Variants in SLC6A18 observed in about 807,000 individuals in gnomAD.
The protein encoded by SLC6A18 is solute carrier family 6 member 18.
In SLC6A18, 58 loss-of-function variants were observed where a neutral mutation model predicts 62.9. The observed-to-expected ratio is 0.92, with a 90% CI of 0.75 to 1.15. The LOEUF (loss-of-function observed/expected upper bound fraction) is 1.15, where lower values mean the gene tolerates loss of function less well. SLC6A18 is among the 50% of genes most tolerant of loss of function. The probability of loss-of-function intolerance (pLI) is 0.00; values close to 1 mark genes in which losing one functional copy is unlikely to be tolerated. For synonymous variants in SLC6A18, 382 were observed against 365.8 expected (o/e 1.04, Z -0.51); for missense variants, 793 against 836.6 (o/e 0.95, Z 0.64).
intron 1 of SLC6A18, 51 bp from the exon 2 acceptor site, chr5:1,232,168 T>TC (rs753176151): frequency 1.1e-5 from 17 of 1,557,386 alleles, no homozygotes; most frequent in East Asian, 4.6e-5. Context: ...CACGCCACAG[T>TC]CCCCCCCAGC....
Position 1,238,168 on chromosome 5 carries a change from C to T in SLC6A18, c.732+108C>T, listed in dbSNP as rs2126536115. 3.4e-6 allele frequency: 3 copies of T among 883,666 alleles called. No homozygotes were observed. In the South Asian group the frequency reaches 4.5e-5, roughly 13 times the overall value. 54.7% of individuals were successfully genotyped at this position (883,666 alleles called of 1,614,324 possible). A position where few individuals can be genotyped will look rare whatever the true frequency, so the allele number is the denominator to read the frequency against. ...GAGCGTGAGAGGCCAGGAGCCACTC[C>T]AGCAGCTGGGCTGCCTGGTGGTCAG... On this transcript the variant is annotated intron_variant, in intron 5 of 11. Transcript: ENST00000324642.
In SLC6A18 at chr5:1,232,246, C is replaced by T. The variant is rs374490780; in HGVS notation, c.188C>T (p.Ala63Val). The T allele has an allele frequency of 6.8e-5, 109 of 1,612,780 alleles. No individual in the cohort carries two copies. The highest frequency in any genetic ancestry group is 7.8e-5 in the Non-Finnish European group (92 of 1,179,830). The change falls in exon 2 of 12, where the codon GCG becomes GTG. Residue 63 changes from alanine to valine, a missense_variant. By Grantham distance (64) the Ala-to-Val change is moderately conservative. Coordinates refer to ENST00000324642, the MANE Select transcript of SLC6A18 (RefSeq NM_182632.3). ...GGAFLIPYVI[A>V]LVFEGIPIFH... ...GCCTTCCTCATCCCCTACGTCATCGCGCTGGTCTTCGAGGGGATCCCCATT... is the reference window on the plus strand; with the variant it reads ...GCCTTCCTCATCCCCTACGTCATCGTGCTGGTCTTCGAGGGGATCCCCATT...
At position 1,243,180 on chromosome 5, in the gene SLC6A18, C is replaced by T. The variant is rs899959385; in HGVS notation, c.1131+317C>T. On this transcript the variant is annotated intron_variant, in intron 8 of 11. Coordinates refer to ENST00000324642, the MANE Select transcript of SLC6A18 (RefSeq NM_182632.3). This position sits in a 1 kb window ranked among gnomAD's most constrained non-coding sequence, Gnocchi z 6.5. Reference sequence around the variant, plus strand: ...CAGCATGAGGGTCACAGTGCCAGGGCATGGCTGGGGTCAAGCCACACTCAG... The same window carrying T: ...CAGCATGAGGGTCACAGTGCCAGGGTATGGCTGGGGTCAAGCCACACTCAG... 5.3e-5 allele frequency among the ~76,000 whole-genome samples: 8 copies of T among 152,172 alleles called. No homozygotes were observed. Among genetic ancestry groups the T allele is most frequent in the Admixed American group, 1.3e-4 (2 of 15,284 alleles).
intron 1 of SLC6A18, among the ~76,000 whole-genome samples, chr5:1,228,583 A>G (rs780992003): frequency 4.9e-4 from 75 of 152,232 alleles, no homozygotes; most frequent in Non-Finnish European, 8.7e-4. Context: ...AGCCGTTCAC[A>G]GCCACCTTTC....
At chr5:1,237,293 G>T (rs1746908777) in intron 4 of SLC6A18, among the ~76,000 whole-genome samples, 1 of 150,664 alleles carries the variant, frequency 6.6e-6, no homozygotes, top group Non-Finnish European at 1.5e-5. Context: ...CAGTCAGTCT[G>T]TATTGGGGGA....
At position 1,225,543 on chromosome 5, in the gene SLC6A18, C is replaced by G; in HGVS notation, c.66C>G (p.Asp22Glu). ...CDLGDERPKW[D>E]NKAQYLLSCT... Reference sequence around the variant, plus strand: ...TCGGGGATGAGAGGCCCAAGTGGGACAACAAGGCCCAGTACCTCCTGAGCT... The same window carrying G: ...TCGGGGATGAGAGGCCCAAGTGGGAGAACAAGGCCCAGTACCTCCTGAGCT... The change falls in exon 1 of 12, where the codon GAC becomes GAG. Residue 22 changes from aspartate to glutamate, a missense_variant. Coordinates refer to ENST00000324642, the MANE Select transcript of SLC6A18 (RefSeq NM_182632.3). The G allele has an allele frequency of 6.2e-7, 1 of 1,613,404 alleles. No homozygotes were observed. The highest frequency in any genetic ancestry group is 8.5e-7 in the Non-Finnish European group (1 of 1,179,452).
chr5:1,244,175 C>CCCCCCCCCA, intron 9 of SLC6A18, 39 bp from the exon 10 acceptor site: 5 of 893,902 alleles, frequency 5.6e-6, no homozygotes, highest in African/African-American at 1.7e-5. Context: ...CTCCACTCCC[C>CCCCCCCCCA]ATCCCCTTAC....
chr5:1,240,670 G>T lies in SLC6A18; in HGVS notation c.974+11G>T. The T allele has an allele frequency of 6.2e-7, 1 of 1,613,208 alleles. No individual in the cohort carries two copies. Among genetic ancestry groups the T allele is most frequent in the Non-Finnish European group, 8.5e-7 (1 of 1,179,772 alleles). ...GCACTGCCTGGACAGGTGAGCACAG[G>T]TGCCGCGCCTGGCTCTGTGGGGCAC... On this transcript the variant is annotated intron_variant, in intron 7 of 11. Transcript: ENST00000324642.
rs1746855761 is a variant in SLC6A18, at chr5:1,235,384, C to G, written c.440-97C>G. The G allele has an allele frequency of 3.3e-6, 4 of 1,229,826 alleles. No individual in the cohort carries two copies. In the African/African-American group the frequency reaches 6.1e-5, roughly 19 times the overall value. 76.2% of individuals were successfully genotyped at this position (1,229,826 alleles called of 1,614,324 possible). Reference sequence around the variant, plus strand: ...GAAAGGGCACCTCAGCCCAAAAGGGCAGTGTTGTGAGCAGCCCAGGGAAAT... The same window carrying G: ...GAAAGGGCACCTCAGCCCAAAAGGGGAGTGTTGTGAGCAGCCCAGGGAAAT... On this transcript the variant is annotated intron_variant, in intron 3 of 11. Coordinates refer to ENST00000324642, the MANE Select transcript of SLC6A18 (RefSeq NM_182632.3).
At chr5:1,230,482 C>T (rs1420413694) in intron 1 of SLC6A18, among the ~76,000 whole-genome samples, 6 of 152,136 alleles carry the variant, frequency 3.9e-5, no homozygotes, top group Admixed American at 6.5e-5. Flanking sequence ...GTCTTTCTGC[C>T]GCTGTGTAAA....
Position 1,243,767 on chromosome 5 carries a change from C to T in SLC6A18, c.1336+8C>T. The T allele has an allele frequency of 6.3e-7, 1 of 1,589,810 alleles. No individual in the cohort carries two copies. Among genetic ancestry groups the T allele is most frequent in the South Asian group, 1.1e-5 (1 of 88,376 alleles). Reference sequence around the variant, plus strand: ...CCAAGGAGGCCCTGACTGGTGAGCGCACAGCTCCGCCGCCCTGGAGGACCC... The same window carrying T: ...CCAAGGAGGCCCTGACTGGTGAGCGTACAGCTCCGCCGCCCTGGAGGACCC... On this transcript the variant is annotated splice_region_variant and intron_variant, in intron 9 of 11. Transcript: ENST00000324642. This position sits in a 1 kb window ranked among gnomAD's most constrained non-coding sequence, Gnocchi z 6.5.
chr5:1,235,616 C>T lies in SLC6A18; in HGVS notation c.575C>T (p.Ala192Val), dbSNP rs1561177501. The part of the protein sequence containing the change: ...WLLICLAASW[A>V]VVYMCVIRGI... Reference sequence around the variant, plus strand: ...CTCATCTGCTTGGCAGCCTCCTGGGCAGTCGTGTACATGTGTGTCATCAGG... The same window carrying T: ...CTCATCTGCTTGGCAGCCTCCTGGGTAGTCGTGTACATGTGTGTCATCAGG... Residue 192 changes from alanine (A) to valine (V), a missense_variant, in exon 4 of 12, where the codon GCA (alanine) becomes GTA (valine). Ala to Val is a moderately conservative substitution (Grantham distance 64). Coordinates refer to ENST00000324642, the MANE Select transcript of SLC6A18 (RefSeq NM_182632.3). 6.2e-7 allele frequency: 1 copy of T among 1,614,004 alleles called. No homozygotes were observed. Among genetic ancestry groups the T allele is most frequent in the Admixed American group, 1.7e-5 (1 of 60,028 alleles).
At chr5:1,244,089 A>G (rs1747144197) in intron 9 of SLC6A18, 125 bp from the exon 10 acceptor site, 1 of 777,924 alleles carries the variant, frequency 1.3e-6, no homozygotes, top group Non-Finnish European at 2.1e-6. Context: ...AGAAGTCTCC[A>G]GCCCAGGTGC....
intron 1 of SLC6A18, among the ~76,000 whole-genome samples, chr5:1,228,763 C>T (rs923961978): frequency 3.3e-5 from 5 of 152,158 alleles, no homozygotes; most frequent in African/African-American, 1.2e-4. Flanking sequence ...CCCTGGCTAC[C>T]CAGGAGGCTG....
chr5:1,240,610 T>C lies in SLC6A18; in HGVS notation c.925T>C (p.Ser309Pro). The C allele has an allele frequency of 3.7e-6, 6 of 1,614,172 alleles. No individual in the cohort carries two copies. The highest frequency in any genetic ancestry group is 5.1e-6 in the Non-Finnish European group (6 of 1,180,024). ...TSLYASIAVF[S>P]VLGFKATNDY... is the part of the protein sequence containing the mutation. ...CCTGTACGCGTCCATCGCTGTCTTC[T>C]CTGTCCTGGGGTTCAAAGCAACTAA... The change falls in exon 7 of 12, where the codon TCT becomes CCT. Residue 309 changes from serine (S) to proline (P), a missense_variant. Transcript: ENST00000324642.
intron 3 of SLC6A18, among the ~76,000 whole-genome samples, chr5:1,233,889 C>T (rs529978011): frequency 6.6e-6 from 1 of 152,058 alleles, no homozygotes; most frequent in Admixed American, 6.6e-5. Flanking sequence ...CTACAGGCGC[C>T]TGCCACCAGG....
At chr5:1,225,661 G>A (rs1380852928) in intron 1 of SLC6A18, 24 bp downstream of exon 1, 5 of 1,539,324 alleles carry the variant, frequency 3.2e-6, no homozygotes, top group Non-Finnish European at 3.5e-6. Context: ...TGCGTCCTGG[G>A]GCAGACCCCT....
At chr5:1,233,748 A>G (rs1178737677) in intron 3 of SLC6A18, among the ~76,000 whole-genome samples, 1 of 100,670 alleles carries the variant, frequency 9.9e-6, no homozygotes, top group African/African-American at 3.5e-5. Context: ...ACACTCAGCT[A>G]ATTTTTTTTT....
chr5:1,239,076 T>C (rs115263868), intron 5 of SLC6A18, among the ~76,000 whole-genome samples: 1,934 of 152,352 alleles, frequency 0.013, 20 homozygotes, highest in Non-Finnish European at 0.02. Flanking sequence ...GCTCCGTGCA[T>C]GGCATCCCTG....
Sources: allele counts gnomAD v4.1 joint callset (sites outside exome capture counted in the v4.1 genomes callset), GRCh38; gene constraint gnomAD v4.1.1; non-coding constraint Gnocchi (gnomAD v3.1); transcripts MANE v1.5; gene names NCBI Gene and HGNC (gene_info 2026-07-23, HGNC 2026-07-21).